The following ART3 variants were observed in gnomAD, a reference collection of about 807,000 sequenced individuals.
ART3 encodes the protein ecto-ADP-ribosyltransferase 3.
In ART3, 49 loss-of-function variants were observed where a neutral mutation model predicts 48.5. The observed-to-expected ratio is 1.01, with a 90% CI of 0.80 to 1.28. ART3 has a LOEUF of 1.28. Ranked by LOEUF, ART3 falls within the 50% of genes most tolerant of loss-of-function variation. The probability of loss-of-function intolerance (pLI) is 0.00; values close to 1 mark genes in which losing one functional copy is unlikely to be tolerated. For missense variants in ART3, 438 were observed against 454.3 expected, an observed-to-expected ratio of 0.96 and a Z score of 0.33; for synonymous variants, 145 against 157.2, an observed-to-expected ratio of 0.92 and a Z score of 0.58.
At chr4:76,035,586 GT>G (rs1734313691) in intron 1 of ART3, among the ~76,000 whole-genome samples, 1 of 152,206 alleles carries the variant, frequency 6.6e-6, no homozygotes, top group South Asian at 2.1e-4. Context: ...GGTGAAGCTT[GT>G]TTTGCCCCCT....
chr4:76,030,456 G>T (rs531229616), intron 1 of ART3, among the ~76,000 whole-genome samples: 18 of 152,296 alleles, frequency 1.2e-4, no homozygotes, highest in African/African-American at 4.1e-4. Flanking sequence ...CCTTAGTGTA[G>T]CCCTTCTTCT....
At chr4:76,086,237 C>T (rs568388878) in intron 3 of ART3, among the ~76,000 whole-genome samples, 41 of 152,012 alleles carry the variant, frequency 2.7e-4, no homozygotes, top group Non-Finnish European at 5.4e-4. Flanking sequence ...AAATGTCCAC[C>T]AGCAGACAAG....
intron 2 of ART3, among the ~76,000 whole-genome samples, chr4:76,078,800 G>A (rs1721719013): frequency 6.6e-6 from 1 of 152,184 alleles, no homozygotes; most frequent in African/African-American, 2.4e-5. Flanking sequence ...GGACAAGACG[G>A]CCGGGCACGG....
intron 1 of ART3, chr4:76,034,974 A>G (rs1734220294): frequency 2.1e-6 from 3 of 1,453,252 alleles, no homozygotes; most frequent in South Asian, 2.3e-5. Flanking sequence ...GTAGTTGTCC[A>G]CATTATTTTC....
At chr4:76,019,464 A>T (rs1039553933) in intron 1 of ART3, among the ~76,000 whole-genome samples, 5 of 144,398 alleles carry the variant, frequency 3.5e-5, no homozygotes, top group African/African-American at 1.3e-4. Flanking sequence ...AAATAAAAAA[A>T]ATTCAATCTG....
At chr4:76,040,766 T>G (rs1560590218) in intron 1 of ART3, among the ~76,000 whole-genome samples, 1 of 152,178 alleles carries the variant, frequency 6.6e-6, no homozygotes, top group Non-Finnish European at 1.5e-5. Context: ...GGAGGTTTAT[T>G]TAGTTCTTCA....
intron 1 of ART3, among the ~76,000 whole-genome samples, chr4:76,029,016 C>T (rs1733651777): frequency 6.6e-6 from 1 of 152,164 alleles, no homozygotes; most frequent in Admixed American, 6.5e-5. Context: ...AAGTATGGTG[C>T]ATTTCTTTCT....
At chr4:76,090,298 G>C (rs1292822645) in intron 3 of ART3, among the ~76,000 whole-genome samples, 1 of 152,184 alleles carries the variant, frequency 6.6e-6, no homozygotes, top group Non-Finnish European at 1.5e-5. Flanking sequence ...AGTTCAGAGA[G>C]AACGTATTGC....
chr4:76,056,950 TATTC>T lies in ART3; in HGVS notation c.-9-18927_-9-18924del, dbSNP rs1170445880. On this transcript the variant is annotated intron_variant, in intron 1 of 9. Coordinates refer to the ART3 transcript ENST00000341029. ...TTAGTAGTTTATCATGGCTTACACATATTCATTAAGATTATTTACTATTAATTCT... is the reference window on the plus strand; with the variant it reads ...TTAGTAGTTTATCATGGCTTACACATATTAAGATTATTTACTATTAATTCT... Among the ~76,000 whole-genome samples the T allele has an allele frequency of 1.1e-4, 16 of 151,868 alleles. No homozygotes were observed. The East Asian group carries it at 3.1e-3, about 29-fold the overall frequency.
At chr4:76,084,173 T>A (rs144684285) in intron 3 of ART3, among the ~76,000 whole-genome samples, 1 of 152,334 alleles carries the variant, frequency 6.6e-6, no homozygotes, top group East Asian at 1.9e-4. Context: ...TGATAAGCTC[T>A]TTAGGCCTGC....
At chr4:76,033,205 G>A (rs1360218272) in intron 1 of ART3, among the ~76,000 whole-genome samples, 1 of 152,092 alleles carries the variant, frequency 6.6e-6, no homozygotes, top group African/African-American at 2.4e-5. Context: ...AATAAGTCTT[G>A]GAAAATGGAC....
intron 1 of ART3, among the ~76,000 whole-genome samples, chr4:76,030,936 T>G (rs1290643951): frequency 6.6e-6 from 1 of 152,214 alleles, no homozygotes. Flanking sequence ...TATGAACATT[T>G]GTGTACCAGT....
rs368036811 is a variant in ART3, at chr4:76,022,338, A to G, written c.-10+11018A>G. On this transcript the variant is annotated intron_variant, in intron 1 of 9. Transcript: ENST00000341029. The stretch of plus-strand genomic sequence containing the variant: ...CAAGATTGCCGTTTCCTAAAGAGCA[A>G]TTCTTCTGCAGGCAACAGCAAACCT... 429 of 1,584,882 alleles carry G rather than the reference A, an allele frequency of 2.7e-4. 2 individuals carry two copies. The highest frequency in any genetic ancestry group is 1.1e-3 in the South Asian group (97 of 90,500).
chr4:76,056,596 G>C (rs1056597813), intron 1 of ART3, among the ~76,000 whole-genome samples: 12 of 152,148 alleles, frequency 7.9e-5, no homozygotes, highest in African/African-American at 2.4e-4. Flanking sequence ...GGATGGGTTG[G>C]GGGTGGACAG....
chr4:76,105,447 C>A, intron 10 of ART3: 1 of 1,238,514 alleles, frequency 8.1e-7, no homozygotes, highest in South Asian at 1.4e-5. Context: ...AAGTACCTAG[C>A]AAAATGAATG....
At chr4:76,070,951 A>T (rs1720250398), upstream of ART3, among the ~76,000 whole-genome samples, 1 of 151,620 alleles carries the variant, frequency 6.6e-6, no homozygotes, top group African/African-American at 2.4e-5. Flanking sequence ...CCTTTTGCCT[A>T]CTCAAGAAGA....
Position 76,112,650 on chromosome 4 carries a change from T to G in ART3, c.*131T>G. ...GGATAAAATGAGAATTGTATATTTG[T>G]TATTCATTTTGCAAATTCAGAAAGT... is the stretch of plus-strand genomic sequence containing the variant. On this transcript the variant is annotated 3_prime_UTR_variant, in exon 12 of 12. Transcript: ENST00000355810. 3.6e-6 allele frequency: 4 copies of G among 1,112,434 alleles called. No homozygotes were observed. Among genetic ancestry groups the G allele is most frequent in the Non-Finnish European group, 4.8e-6 (4 of 828,348 alleles). The allele number at this position is 1,112,434 out of a possible 1,614,324, so 68.9% of individuals were successfully genotyped here. A position where few individuals can be genotyped will look rare whatever the true frequency, so the allele number is the denominator to read the frequency against.
intron 11 of ART3, chr4:76,112,027 TATATAATAC>T: frequency 5.9e-6 from 1 of 168,434 alleles, no homozygotes; most frequent in Non-Finnish European, 1.3e-5. Flanking sequence ...CAGAATACAG[TATATAATAC>T]ATATAACATA....
rs139368492 is a variant in ART3, at chr4:76,091,316, T to C, written c.782-6328T>C. Among the ~76,000 whole-genome samples, 304 of 152,370 alleles carry C rather than the reference T, an allele frequency of 2.0e-3. 5 individuals carry two copies. Among genetic ancestry groups the C allele is most frequent in the African/African-American group, 7.2e-3 (299 of 41,582 alleles). On this transcript the variant is annotated intron_variant, in intron 3 of 11. Coordinates refer to ENST00000355810, the MANE Select transcript of ART3 (RefSeq NM_001130016.3). ...GTATATGTGTAACTTTGGAAGAAGC[T>C]GCCAAATGGTTTTCCAGAGTACCTG...
Sources: allele counts gnomAD v4.1 joint callset (sites outside exome capture counted in the v4.1 genomes callset), GRCh38; gene constraint gnomAD v4.1.1; transcripts MANE v1.5; gene names NCBI Gene and HGNC (gene_info 2026-07-23, HGNC 2026-07-21).